HECW2: variants seen among roughly 807,000 people sequenced by gnomAD.
The protein encoded by HECW2 is HECT, C2 and WW domain containing E3 ubiquitin protein ligase 2, also known as E3 ubiquitin-protein ligase HECW2.
HECW2 carries 61 observed loss-of-function variants against 175.2 expected under a neutral mutation model. The ratio of observed to expected loss-of-function variants is 0.35; its 90% CI spans 0.28 to 0.43. The LOEUF is 0.43. Among genes scored for constraint, HECW2 ranks in the 20% least tolerant of loss-of-function variants. HECW2 has a pLI of 1.00. For synonymous variants in HECW2, 671 were observed against 731.0 expected (o/e 0.92, Z 1.32); for missense variants, 1,524 against 2,000.5 (o/e 0.76, Z 4.54).
chr2:196,514,449 G>A (rs561467180), intron 1 of HECW2, among the ~76,000 whole-genome samples: 6 of 152,300 alleles, frequency 3.9e-5, no homozygotes, highest in African/African-American at 1.4e-4. Context: ...GAGGCAGAAG[G>A]GCTCCTGGGT....
intron 6 of HECW2, among the ~76,000 whole-genome samples, chr2:196,323,915 GTTTGTT>G (rs1489759698): frequency 3.2e-4 from 22 of 68,836 alleles, no homozygotes; most frequent in African/African-American, 9.0e-4. Context: ...TTTGTTTTTT[GTTTGTT>G]TTTTTTTTTT....
chr2:196,448,812 G>A (rs975107616), intron 1 of HECW2, among the ~76,000 whole-genome samples: 5 of 152,180 alleles, frequency 3.3e-5, no homozygotes, highest in Admixed American at 2.6e-4. Flanking sequence ...TTGATAAGCA[G>A]GCATAATTAA....
chr2:196,553,727 T>C (rs777747238), intron 1 of HECW2, among the ~76,000 whole-genome samples: 1 of 152,206 alleles, frequency 6.6e-6, no homozygotes, highest in Non-Finnish European at 1.5e-5. Flanking sequence ...AGTGGCTCAC[T>C]AGACCAAAGA....
chr2:196,443,975 C>G (rs1212924027), intron 1 of HECW2, among the ~76,000 whole-genome samples: 3 of 152,128 alleles, frequency 2.0e-5, no homozygotes, highest in Non-Finnish European at 4.4e-5. Context: ...GTGGTAGTGG[C>G]AGTGAGCCGA....
At position 196,198,468 on chromosome 2, in the gene HECW2, T is replaced by C. The variant is rs1451029277; in HGVS notation, c.*2809A>G. The C allele has an allele frequency of 6.6e-6, 1 of 152,216 alleles. No homozygotes were observed. The highest frequency in any genetic ancestry group is 2.1e-4 in the South Asian group (1 of 4,832). 9.4% of individuals were successfully genotyped at this position (152,216 alleles called of 1,614,324 possible). ...TTATTAAAAACACTTTTTTGAACCT[T>C]GGAGTCTACTCTACTACACTGTGAG... On this transcript the variant is annotated 3_prime_UTR_variant, in exon 29 of 29. Transcript: ENST00000644978.
At chr2:196,574,624 C>A (rs1377971167) in intron 1 of HECW2, among the ~76,000 whole-genome samples, 3 of 152,092 alleles carry the variant, frequency 2.0e-5, no homozygotes, top group African/African-American at 7.2e-5. Context: ...TCTACAGATT[C>A]AATGAAATTC....
chr2:196,422,984 A>G (rs889392157), intron 2 of HECW2, among the ~76,000 whole-genome samples: 2 of 152,118 alleles, frequency 1.3e-5, no homozygotes, highest in African/African-American at 4.8e-5. Flanking sequence ...ATACTGTATT[A>G]TTTAGCATTC....
chr2:196,352,029 G>A (rs1693187382), intron 2 of HECW2, among the ~76,000 whole-genome samples: 1 of 152,202 alleles, frequency 6.6e-6, no homozygotes, highest in Admixed American at 6.5e-5. Flanking sequence ...GAAGACAGGT[G>A]GGTCTTCACA....
At chr2:196,528,536 C>G (rs1688744433) in intron 1 of HECW2, among the ~76,000 whole-genome samples, 1 of 152,166 alleles carries the variant, frequency 6.6e-6, no homozygotes, top group African/African-American at 2.4e-5. Flanking sequence ...AGGACTAGAA[C>G]CTTGGTATCC....
intron 1 of HECW2, among the ~76,000 whole-genome samples, chr2:196,555,796 A>G (rs936580178): frequency 6.6e-6 from 1 of 152,230 alleles, no homozygotes; most frequent in African/African-American, 2.4e-5. Context: ...CTCTTACAAC[A>G]AAGTATCAAA....
At chr2:196,360,623 T>A (rs142300038) in intron 2 of HECW2, among the ~76,000 whole-genome samples, 181 of 152,014 alleles carry the variant, frequency 1.2e-3, no homozygotes, top group African/African-American at 4.1e-3. Flanking sequence ...GACAAAATAA[T>A]CTCTTCAACA....
chr2:196,355,216 G>T (rs1693320178), intron 2 of HECW2, among the ~76,000 whole-genome samples: 1 of 152,198 alleles, frequency 6.6e-6, no homozygotes. Context: ...TAAAACTTCA[G>T]ACTTCAAGAT....
At chr2:196,319,961 T>G in intron 8 of HECW2, 57 bp from the exon 9 acceptor site, 1 of 1,481,458 alleles carries the variant, frequency 6.8e-7, no homozygotes, top group Non-Finnish European at 9.0e-7. Flanking sequence ...GTGAACGTTT[T>G]ATGACTTATT....
chr2:196,497,675 C>A (rs1687444151), intron 1 of HECW2, among the ~76,000 whole-genome samples: 2 of 152,158 alleles, frequency 1.3e-5, no homozygotes, highest in Non-Finnish European at 2.9e-5. Context: ...CAAGGCGTGT[C>A]ATAGAAACTA....
chr2:196,548,336 A>C (rs975581321), intron 1 of HECW2, among the ~76,000 whole-genome samples: 1 of 151,864 alleles, frequency 6.6e-6, no homozygotes, highest in African/African-American at 2.4e-5. Flanking sequence ...TCTCAAAAAA[A>C]AAAAAAAGAA....
At chr2:196,480,721 T>C (rs1302976452) in intron 1 of HECW2, among the ~76,000 whole-genome samples, 1 of 152,206 alleles carries the variant, frequency 6.6e-6, no homozygotes, top group African/African-American at 2.4e-5. Context: ...CTTGAAATTT[T>C]CAGTGACGTG....
intron 1 of HECW2, among the ~76,000 whole-genome samples, chr2:196,515,532 A>G (rs1688117473): frequency 6.6e-6 from 1 of 152,240 alleles, no homozygotes; most frequent in East Asian, 1.9e-4. Flanking sequence ...CACAGGCTGC[A>G]TGCCAGTAAT....
At chr2:196,206,198 A>G (rs1286403303) in intron 28 of HECW2, among the ~76,000 whole-genome samples, 1 of 152,242 alleles carries the variant, frequency 6.6e-6, no homozygotes, top group Non-Finnish European at 1.5e-5. Context: ...AGCCAGTCAC[A>G]CTAAAGCTAT....
chr2:196,258,484 G>A (rs1359143414), intron 17 of HECW2, among the ~76,000 whole-genome samples: 1 of 152,054 alleles, frequency 6.6e-6, no homozygotes, highest in Non-Finnish European at 1.5e-5. Context: ...TACAACAGTT[G>A]GTGAAATAGA....
Sources: gnomAD v4.1 joint callset for allele counts (sites outside exome capture counted in the v4.1 genomes callset) on GRCh38, gnomAD v4.1.1 for gene constraint, MANE v1.5 for transcripts, NCBI Gene and HGNC (gene_info 2026-07-23, HGNC 2026-07-21) for gene names.